ARPC1B: variants seen among roughly 807,000 people sequenced by gnomAD.
ARPC1B encodes the protein actin related protein 2/3 complex subunit 1B, also known as actin-related protein 2/3 complex subunit 1B.
Under a neutral mutation model 46.0 loss-of-function variants are expected in ARPC1B, and 29 were observed. That is an observed-to-expected ratio of 0.63 (90% CI 0.47 to 0.86). The LOEUF (loss-of-function observed/expected upper bound fraction) is 0.86. Among genes scored for constraint, ARPC1B ranks in the 40% least tolerant of loss-of-function variants. The probability of loss-of-function intolerance (pLI) is 0.00; values close to 1 mark genes in which losing one functional copy is unlikely to be tolerated. For synonymous variants in ARPC1B, 201 were observed against 213.9 expected, an observed-to-expected ratio of 0.94 and a Z score of 0.53; for missense variants, 469 against 529.4, an observed-to-expected ratio of 0.89 and a Z score of 1.12.
At chr7:99,375,395 A>G (rs1321250338) in intron 1 of ARPC1B, among the ~76,000 whole-genome samples, 1 of 152,126 alleles carries the variant, frequency 6.6e-6, no homozygotes, top group East Asian at 1.9e-4. Flanking sequence ...GGGGTCCCGT[A>G]CGGGGCGGGC....
chr7:99,385,500 G>A (rs1794362741), intron 1 of ARPC1B, among the ~76,000 whole-genome samples: 1 of 152,166 alleles, frequency 6.6e-6, no homozygotes, highest in Non-Finnish European at 1.5e-5. Flanking sequence ...GGGAAACTGA[G>A]GCCCCAGGAG....
intron 1 of ARPC1B, chr7:99,377,282 A>C (rs931983533): frequency 7.5e-4 from 113 of 150,018 alleles, no homozygotes; most frequent in Non-Finnish European, 1.3e-4. Context: ...TACAGGCATG[A>C]GCCTCCACGC....
chr7:99,378,129 G>C (rs984612834), intron 1 of ARPC1B, among the ~76,000 whole-genome samples: 1 of 151,836 alleles, frequency 6.6e-6, no homozygotes, highest in African/African-American at 2.4e-5. Context: ...ACGAGATCTC[G>C]GCTCACTGCA....
chr7:99,390,176 G>A lies in ARPC1B; in HGVS notation c.500+164G>A, dbSNP rs1437354550. On this transcript the variant is annotated intron_variant, in intron 5 of 9. Coordinates refer to ENST00000646101, the MANE Select transcript of ARPC1B (RefSeq NM_005720.4). ...TCGGTTGAAGGTTCTAGTTCCTGGG[G>A]AACCCTTCATGTCTCAGCTGGATGG... 7.8e-6 allele frequency: 5 copies of A among 638,358 alleles called. No individual in the cohort carries two copies. In the East Asian group the frequency reaches 1.4e-4, roughly 18 times the overall value. The allele number at this position is 638,358 out of a possible 1,614,324, so 39.5% of individuals were successfully genotyped here.
rs944838456 is a variant in ARPC1B, at chr7:99,388,410, G to T, written c.392+149G>T. 12 of 762,784 alleles carry T rather than the reference G, an allele frequency of 1.6e-5. No individual in the cohort carries two copies. The Admixed American group carries it at 3.3e-4, about 21-fold the overall frequency. The allele number at this position is 762,784 out of a possible 1,614,324, so 47.3% of individuals were successfully genotyped here. On this transcript the variant is annotated intron_variant, in intron 4 of 9. Coordinates refer to ENST00000646101, the MANE Select transcript of ARPC1B (RefSeq NM_005720.4). ...CTCCTCTCTGGGCCTCATTCATGAG[G>T]CAAGGGCCTCTCTGCAGCGTCCGGA...
intron 8 of ARPC1B, among the ~76,000 whole-genome samples, 198 bp downstream of exon 8, chr7:99,393,074 G>A (rs1387704568): frequency 6.6e-6 from 1 of 152,092 alleles, no homozygotes; most frequent in African/African-American, 2.4e-5. Context: ...GCCCGGACAC[G>A]AGGGGACGGG....
rs1374031054 is a variant in ARPC1B, at chr7:99,388,060, G to A, written c.191G>A (p.Ser64Asn). Residue 64 changes from serine to asparagine, a missense_variant, in exon 4 of 10, where the codon AGT becomes AAT. Coordinates refer to ENST00000646101, the MANE Select transcript of ARPC1B (RefSeq NM_005720.4). ...QVTGIDWAPE[S>N]NRIVTCGTDR... is the part of the protein sequence containing the mutation. ...ACAGGCATCGACTGGGCCCCCGAGA[G>A]TAACCGTATTGTGACCTGCGGCACA... The A allele has an allele frequency of 6.2e-7, 1 of 1,606,352 alleles. No individual in the cohort carries two copies. The highest frequency in any genetic ancestry group is 8.5e-7 in the Non-Finnish European group (1 of 1,173,478).
rs761627717 is a variant in ARPC1B at position 99,394,107 on chromosome 7, C to T, written c.1068C>T (p.Ile356=). The change falls in exon 9 of 10, where the codon ATC becomes ATT. Residue 356 remains isoleucine (I), a synonymous_variant. Transcript: ENST00000646101. ...CTGGCATGGATGGCGGCATGAGTAT[C>T]TGGGATGTGAAGGTGAGGCTTGCCC... The part of the protein sequence containing the change: ...CTTGMDGGMS[I]WDVKSLESAL... 6.2e-7 allele frequency: 1 copy of T among 1,613,602 alleles called. No individual in the cohort carries two copies. Among genetic ancestry groups the T allele is most frequent in the Middle Eastern group, 1.6e-4 (1 of 6,062 alleles).
At position 99,394,230 on chromosome 7, in the gene ARPC1B, G is replaced by A. The variant is rs980347787; in HGVS notation, c.1080+111G>A. 6 of 1,281,472 alleles carry A rather than the reference G, an allele frequency of 4.7e-6. No homozygotes were observed. In the African/African-American group the frequency reaches 5.9e-5, roughly 13 times the overall value. 79.4% of individuals were successfully genotyped at this position (1,281,472 alleles called of 1,614,324 possible). A position where few individuals can be genotyped will look rare whatever the true frequency, so the allele number is the denominator to read the frequency against. On this transcript the variant is annotated intron_variant, in intron 9 of 9. Transcript: ENST00000646101. ...CCTTCACTCCTGCAGAGATGGCACT[G>A]CATGGGGATGAGGGGTGGGGGCGGC...
rs1471456768 is a variant in ARPC1B, at chr7:99,374,935, C to A, written c.-14+154C>A. Among the ~76,000 whole-genome samples the A allele has an allele frequency of 6.8e-6, 1 of 146,300 alleles. No individual in the cohort carries two copies. The highest frequency in any genetic ancestry group is 1.5e-5 in the Non-Finnish European group (1 of 66,846). On this transcript the variant is annotated intron_variant, in intron 1 of 9. Coordinates refer to ENST00000646101, the MANE Select transcript of ARPC1B (RefSeq NM_005720.4). This position sits in a 1 kb window ranked among gnomAD's most constrained non-coding sequence, Gnocchi z 5.0. ...ACCGGGGGGCGCCTGGAAGTGAGGA[C>A]GCATAGATGTGGGGCGCCGCCCAAT...
At chr7:99,381,213 G>A (rs1461740030) in intron 1 of ARPC1B, among the ~76,000 whole-genome samples, 4 of 152,224 alleles carry the variant, frequency 2.6e-5, no homozygotes, top group Non-Finnish European at 4.4e-5. Flanking sequence ...AGTGGGTGCC[G>A]GGTGCTTGTT....
chr7:99,393,894 A>G, intron 8 of ARPC1B, 135 bp from the exon 9 acceptor site: 1 of 817,834 alleles, frequency 1.2e-6, no homozygotes, highest in South Asian at 1.5e-5. Flanking sequence ...ACTGACTTCT[A>G]AGCCCACTAC....
At chr7:99,376,867 T>G (rs1295572777) in intron 1 of ARPC1B, among the ~76,000 whole-genome samples, 1 of 142,748 alleles carries the variant, frequency 7.0e-6, no homozygotes, top group African/African-American at 2.6e-5. Flanking sequence ...CGAGACTCTG[T>G]CTCCAAAAAA....
chr7:99,385,803 G>A, intron 2 of ARPC1B, 25 bp downstream of exon 2: 1 of 1,597,762 alleles, frequency 6.3e-7, no homozygotes, highest in Non-Finnish European at 8.5e-7. Flanking sequence ...GGGGCCGGTG[G>A]GTGGCTGCTT....
chr7:99,392,428 C>G (rs2150897592), intron 7 of ARPC1B, among the ~76,000 whole-genome samples: 1 of 152,354 alleles, frequency 6.6e-6, no homozygotes, highest in Non-Finnish European at 1.5e-5. Flanking sequence ...GTGTAACTGG[C>G]TGGGCAGGAC....
chr7:99,386,149 G>A (rs1447448790), intron 2 of ARPC1B, among the ~76,000 whole-genome samples: 1 of 151,966 alleles, frequency 6.6e-6, no homozygotes, highest in South Asian at 2.1e-4. Flanking sequence ...TACTCGGGGG[G>A]CTGAGGCACG....
chr7:99,375,723 G>A (rs1482534269), intron 1 of ARPC1B, among the ~76,000 whole-genome samples: 1 of 152,190 alleles, frequency 6.6e-6, no homozygotes, highest in Non-Finnish European at 1.5e-5. Context: ...AGGAGTTGGA[G>A]GCCAGCATGG....
intron 7 of ARPC1B, among the ~76,000 whole-genome samples, chr7:99,392,420 G>GT (rs1019650771): frequency 3.3e-5 from 5 of 152,232 alleles, no homozygotes; most frequent in African/African-American, 1.2e-4. Context: ...TAGAGCAGGT[G>GT]TAACTGGCTG....
intron 8 of ARPC1B, 109 bp from the exon 9 acceptor site, chr7:99,393,920 C>G (rs1225331095): frequency 1.8e-6 from 2 of 1,100,572 alleles, no homozygotes; most frequent in Non-Finnish European, 2.8e-6. Flanking sequence ...CTCGGTACTT[C>G]TCACTAAAGC....
Sources: allele counts gnomAD v4.1 joint callset (sites outside exome capture counted in the v4.1 genomes callset), GRCh38; gene constraint gnomAD v4.1.1; non-coding constraint Gnocchi (gnomAD v3.1); transcripts MANE v1.5; gene names NCBI Gene and HGNC (gene_info 2026-07-23, HGNC 2026-07-21).